FRMD4A: variants seen among roughly 807,000 people sequenced by gnomAD.
FRMD4A encodes FERM domain containing 4A, also known as FERM domain-containing protein 4A.
In FRMD4A, 29 loss-of-function variants were observed where a neutral mutation model predicts 129.1. That is an observed-to-expected ratio of 0.22 (90% CI 0.17 to 0.31). FRMD4A has a LOEUF of 0.31. Ranked by LOEUF, FRMD4A falls within the 10% of genes least tolerant of loss-of-function variation. FRMD4A has a pLI of 1.00. For missense variants in FRMD4A, 1,272 were observed against 1,375.8 expected (o/e 0.92, Z 1.19); for synonymous variants, 634 against 571.6 (o/e 1.11, Z -1.56).
intron 2 of FRMD4A, among the ~76,000 whole-genome samples, chr10:13,866,729 G>A (rs1337462027): frequency 1.3e-5 from 2 of 152,162 alleles, no homozygotes; most frequent in African/African-American, 4.8e-5. Flanking sequence ...GGAGGCCGAG[G>A]TGGGCAGATC....
intron 2 of FRMD4A, among the ~76,000 whole-genome samples, chr10:13,948,504 A>G (rs1321813235): frequency 1.3e-5 from 2 of 152,156 alleles, no homozygotes; most frequent in Non-Finnish European, 2.9e-5. Flanking sequence ...GATAAACGGA[A>G]TGAAGGTGAA....
intron 2 of FRMD4A, among the ~76,000 whole-genome samples, chr10:14,312,088 G>A (rs537626110): frequency 1.8e-4 from 27 of 152,260 alleles, no homozygotes; most frequent in East Asian, 7.7e-4. Flanking sequence ...TTTGAAAAGC[G>A]TCATAAACCA....
intron 2 of FRMD4A, among the ~76,000 whole-genome samples, chr10:14,017,018 T>G (rs2095701384): frequency 6.6e-6 from 1 of 152,194 alleles, no homozygotes; most frequent in Non-Finnish European, 1.5e-5. Flanking sequence ...GTCCTTCACA[T>G]CTGGTCTTGA....
At chr10:13,784,981 ACT>A (rs2092819376) in intron 5 of FRMD4A, among the ~76,000 whole-genome samples, 1 of 131,854 alleles carries the variant, frequency 7.6e-6, no homozygotes, top group Admixed American at 8.4e-5. Context: ...ACAGAGGGAG[ACT>A]CTATCTCAAA....
rs867135103 is a variant in FRMD4A at position 13,657,188 on chromosome 10, T to C, written c.2401A>G (p.Met801Val). ...GALGSASSGS[M>V]PNLAARGGAG... ...CCCCCGCGCGCCGCCAGGTTGGGCA[T>C]GCTGCCCGAGCTGGCTGAGCCCAGT... Residue 801 changes from methionine to valine, a missense_variant, in exon 22 of 25, where the codon ATG (methionine) becomes GTG (valine). Coordinates refer to ENST00000357447, the MANE Select transcript of FRMD4A (RefSeq NM_018027.5). The C allele has an allele frequency of 8.0e-6, 12 of 1,500,224 alleles. No homozygotes were observed. Among genetic ancestry groups the C allele is most frequent in the Non-Finnish European group, 1.1e-5 (12 of 1,130,326 alleles). 92.9% of individuals were successfully genotyped at this position (1,500,224 alleles called of 1,614,324 possible). A position where few individuals can be genotyped will look rare whatever the true frequency, so the allele number is the denominator to read the frequency against.
intron 2 of FRMD4A, among the ~76,000 whole-genome samples, chr10:14,202,404 T>C (rs1842664349): frequency 6.6e-6 from 1 of 152,164 alleles, no homozygotes. Flanking sequence ...ATTTATTTAC[T>C]TATTTATTTA....
intron 2 of FRMD4A, among the ~76,000 whole-genome samples, chr10:13,994,379 A>G (rs1348666210): frequency 1.3e-5 from 2 of 151,834 alleles, no homozygotes; most frequent in African/African-American, 2.4e-5. Context: ...GGGTTTCACC[A>G]TGTTGGCCAG....
At chr10:13,918,198 C>G (rs1032168954) in intron 2 of FRMD4A, among the ~76,000 whole-genome samples, 7 of 152,176 alleles carry the variant, frequency 4.6e-5, no homozygotes, top group Admixed American at 4.6e-4. Flanking sequence ...TTCTTGCAGG[C>G]CTGGCTTTGG....
chr10:13,994,593 T>A (rs185788860), intron 2 of FRMD4A, among the ~76,000 whole-genome samples: 8 of 152,272 alleles, frequency 5.3e-5, no homozygotes, highest in African/African-American at 1.9e-4. Context: ...CTCTTTTACT[T>A]GTAGAAATTG....
chr10:13,825,960 G>C (rs185224888), intron 3 of FRMD4A, among the ~76,000 whole-genome samples: 188 of 152,326 alleles, frequency 1.2e-3, no homozygotes, highest in Non-Finnish European at 1.6e-3. Flanking sequence ...CTCCTAAAAC[G>C]TGTCTGTTTC....
chr10:13,654,611 A>AG, intron 22 of FRMD4A, 99 bp from the exon 23 acceptor site: 1 of 726,350 alleles, frequency 1.4e-6, no homozygotes, highest in East Asian at 2.5e-5. Context: ...CAGTGGCCAG[A>AG]GGTCACCATT....
intron 15 of FRMD4A, among the ~76,000 whole-genome samples, chr10:13,691,579 A>T (rs1365474415): frequency 6.6e-6 from 1 of 152,152 alleles, no homozygotes. Flanking sequence ...CCTCACTCGG[A>T]AACTTGTTAG....
chr10:14,047,228 T>C (rs1304868366), intron 2 of FRMD4A, among the ~76,000 whole-genome samples: 1 of 152,214 alleles, frequency 6.6e-6, no homozygotes, highest in Non-Finnish European at 1.5e-5. Context: ...TTTGCTTTTA[T>C]TGATGGTCTT....
At chr10:14,187,940 G>A (rs1390797669) in intron 2 of FRMD4A, among the ~76,000 whole-genome samples, 3 of 152,144 alleles carry the variant, frequency 2.0e-5, no homozygotes, top group Non-Finnish European at 4.4e-5. Flanking sequence ...ACGATGGAAT[G>A]CATTCAGGCA....
chr10:14,216,005 G>A (rs546879492), intron 2 of FRMD4A, among the ~76,000 whole-genome samples: 80 of 152,208 alleles, frequency 5.3e-4, no homozygotes, highest in African/African-American at 1.8e-3. Flanking sequence ...CCTGTGAGCT[G>A]AGATTGCAAT....
At chr10:13,961,925 G>T (rs113452044) in intron 2 of FRMD4A, among the ~76,000 whole-genome samples, 2 of 150,970 alleles carry the variant, frequency 1.3e-5, no homozygotes, top group African/African-American at 4.9e-5. Context: ...AATGAACAAA[G>T]ACATGAATGA....
chr10:13,757,347 G>T (rs1242614825), intron 8 of FRMD4A, among the ~76,000 whole-genome samples: 1 of 152,216 alleles, frequency 6.6e-6, no homozygotes, highest in Non-Finnish European at 1.5e-5. Flanking sequence ...AACAATAAAA[G>T]TGAAAAAATG....
At chr10:13,862,285 A>G (rs993727164) in intron 2 of FRMD4A, among the ~76,000 whole-genome samples, 1 of 152,250 alleles carries the variant, frequency 6.6e-6, no homozygotes, top group East Asian at 1.9e-4. Flanking sequence ...ATGAAAACAA[A>G]TTGGTATCTG....
intron 2 of FRMD4A, among the ~76,000 whole-genome samples, chr10:14,092,039 C>A (rs1235650402): frequency 6.6e-6 from 1 of 152,150 alleles, no homozygotes; most frequent in East Asian, 1.9e-4. Context: ...TGAACCCCAC[C>A]TCACAGCTCT....
Sources: allele counts gnomAD v4.1 joint callset (sites outside exome capture counted in the v4.1 genomes callset), GRCh38; gene constraint gnomAD v4.1.1; transcripts MANE v1.5; gene names NCBI Gene and HGNC (gene_info 2026-07-23, HGNC 2026-07-21).